FBXW11: variants seen among roughly 807,000 people sequenced by gnomAD.
FBXW11 encodes F-box and WD repeat domain containing 11, also known as F-box/WD repeat-containing protein 11.
Under a neutral mutation model 77.6 loss-of-function variants are expected in FBXW11, and 19 were observed. The observed-to-expected ratio is 0.24, with a 90% CI of 0.17 to 0.36. FBXW11 has a LOEUF of 0.36. FBXW11 is among the 10% of genes least tolerant of loss of function. The pLI, the probability that FBXW11 is intolerant of heterozygous loss-of-function variation, is 1.00. For missense variants in FBXW11, 334 were observed against 704.2 expected, an observed-to-expected ratio of 0.47 and a Z score of 5.95; for synonymous variants, 235 against 249.4, an observed-to-expected ratio of 0.94 and a Z score of 0.54.
At chr5:171,880,194 C>T (rs528490891) in intron 7 of FBXW11, among the ~76,000 whole-genome samples, 94 of 152,302 alleles carry the variant, frequency 6.2e-4, no homozygotes, top group African/African-American at 2.2e-3. Flanking sequence ...TTGTTGAAGA[C>T]ACAATCTTTT....
At chr5:171,999,889 A>G (rs1766307673) in intron 1 of FBXW11, among the ~76,000 whole-genome samples, 1 of 152,118 alleles carries the variant, frequency 6.6e-6, no homozygotes, top group Non-Finnish European at 1.5e-5. Flanking sequence ...CATTTTGTGA[A>G]GCTCTTCATT....
chr5:171,956,727 A>G (rs915739695), intron 2 of FBXW11, among the ~76,000 whole-genome samples: 5 of 152,230 alleles, frequency 3.3e-5, no homozygotes, highest in African/African-American at 1.2e-4. Flanking sequence ...GACAGTCTCA[A>G]CCAGATGCCA....
intron 4 of FBXW11, among the ~76,000 whole-genome samples, chr5:171,906,758 G>T (rs573662779): frequency 1.3e-5 from 2 of 152,268 alleles, no homozygotes; most frequent in South Asian, 4.1e-4. Context: ...TTCAAACCAA[G>T]GGCCTGTGTG....
Position 171,869,107 on chromosome 5 carries a change from C to G in FBXW11, c.1531-311G>C, listed in dbSNP as rs1025933150. On this transcript the variant is annotated intron_variant, in intron 12 of 13. Coordinates refer to ENST00000517395, the MANE Select transcript of FBXW11 (RefSeq NM_001378974.1). This position sits in a 1 kb window ranked among gnomAD's most constrained non-coding sequence, Gnocchi z 4.1. ...CCCATTCTTGATACACTCTAAAAAT[C>G]CACTGGAAAACCTAGAACCAGAAAG... Among the ~76,000 whole-genome samples, 2 of 152,142 alleles carry G rather than the reference C, an allele frequency of 1.3e-5. No individual in the cohort carries two copies. The highest frequency in any genetic ancestry group is 2.9e-5 in the Non-Finnish European group (2 of 68,018).
At chr5:171,896,809 AT>A (rs1659116963) in intron 6 of FBXW11, among the ~76,000 whole-genome samples, 6 of 152,184 alleles carry the variant, frequency 3.9e-5, no homozygotes, top group Middle Eastern at 3.2e-3. Flanking sequence ...CGAAGTGGGT[AT>A]TTGTAATTAT....
intron 1 of FBXW11, among the ~76,000 whole-genome samples, chr5:171,979,741 G>A (rs1042227900): frequency 6.6e-6 from 1 of 152,132 alleles, no homozygotes; most frequent in Non-Finnish European, 1.5e-5. Flanking sequence ...AATGGCACTT[G>A]AACATAAATT....
At chr5:171,972,139 G>A (rs1001884637) in intron 1 of FBXW11, among the ~76,000 whole-genome samples, 3 of 150,310 alleles carry the variant, frequency 2.0e-5, no homozygotes, top group African/African-American at 7.4e-5. Flanking sequence ...GGCTGAGGTG[G>A]GAAAATCACA....
At chr5:171,892,928 A>G (rs1485618544) in intron 6 of FBXW11, among the ~76,000 whole-genome samples, 3 of 152,166 alleles carry the variant, frequency 2.0e-5, no homozygotes, top group Non-Finnish European at 4.4e-5. Flanking sequence ...GCTGACATCT[A>G]ACAAACTGTA....
intron 1 of FBXW11, among the ~76,000 whole-genome samples, chr5:171,992,182 C>A (rs1445593338): frequency 6.6e-6 from 1 of 151,184 alleles, no homozygotes; most frequent in Non-Finnish European, 1.5e-5. Context: ...GTAATCCCAG[C>A]ACTTTTGGAG....
At chr5:171,969,066 G>A (rs933323638) in intron 1 of FBXW11, among the ~76,000 whole-genome samples, 1 of 151,884 alleles carries the variant, frequency 6.6e-6, no homozygotes, top group Non-Finnish European at 1.5e-5. Context: ...TCAGGAGTTT[G>A]AGACCAGCCT....
intron 13 of FBXW11, among the ~76,000 whole-genome samples, chr5:171,866,123 G>A (rs529186256): frequency 1.1e-4 from 16 of 152,126 alleles, no homozygotes; most frequent in South Asian, 8.3e-4. Context: ...AAATCAGCTG[G>A]GTGTGATGGC....
rs1205490431 is a variant in FBXW11 at position 171,988,061 on chromosome 5, T to C, written c.45+18397A>G. Among the ~76,000 whole-genome samples the C allele has an allele frequency of 4.6e-5, 7 of 152,208 alleles. No individual in the cohort carries two copies. The East Asian group carries it at 1.4e-3, about 29-fold the overall frequency. On this transcript the variant is annotated intron_variant, in intron 1 of 13. Transcript: ENST00000517395. ...GACAAGGTCCCTTAGATTTGGAAAA[T>C]TAAAAGGCTAACAGAGTCAGAAAAA...
rs1013193830 is a variant in FBXW11, at chr5:171,904,444, C to G, written c.437-4344G>C. On this transcript the variant is annotated intron_variant, in intron 4 of 13. Coordinates refer to ENST00000517395, the MANE Select transcript of FBXW11 (RefSeq NM_001378974.1). The surrounding 1 kb of genome is among the most constrained non-coding windows in gnomAD (Gnocchi z 4.0). ...GGTCTATAAGCCTGTGTGGTTGTAT[C>G]TGACTCAACTCAGGGTTACTGATTT... 1.3e-5 allele frequency among the ~76,000 whole-genome samples: 2 copies of G among 152,112 alleles called. No homozygotes were observed. The highest frequency in any genetic ancestry group is 4.8e-5 in the African/African-American group (2 of 41,420).
At chr5:171,877,144 T>C (rs927378956) in intron 8 of FBXW11, among the ~76,000 whole-genome samples, 2 of 152,214 alleles carry the variant, frequency 1.3e-5, no homozygotes, top group Non-Finnish European at 2.9e-5. Context: ...GGTGGCTAAT[T>C]CTGGCTCTGC....
intron 6 of FBXW11, among the ~76,000 whole-genome samples, chr5:171,897,092 G>A (rs1426436916): frequency 6.6e-6 from 1 of 152,180 alleles, no homozygotes; most frequent in African/African-American, 2.4e-5. Context: ...CTAGCTGTGT[G>A]ATCCTGACTA....
intron 6 of FBXW11, among the ~76,000 whole-genome samples, chr5:171,893,477 A>G (rs1007040270): frequency 6.9e-6 from 1 of 144,662 alleles, no homozygotes; most frequent in Non-Finnish European, 1.5e-5. Context: ...TACCTCTATC[A>G]AAGTAGACAA....
rs1758066192 is a variant in FBXW11, at chr5:171,876,153, G to T, written c.1221+132C>A. 3.8e-6 allele frequency: 4 copies of T among 1,044,360 alleles called. No individual in the cohort carries two copies. The Admixed American group carries it at 6.3e-5, about 16-fold the overall frequency. The allele number at this position is 1,044,360 out of a possible 1,614,324, so 64.7% of individuals were successfully genotyped here. A position where few individuals can be genotyped will look rare whatever the true frequency, so the allele number is the denominator to read the frequency against. On this transcript the variant is annotated intron_variant, in intron 9 of 13. Coordinates refer to ENST00000517395, the MANE Select transcript of FBXW11 (RefSeq NM_001378974.1). The surrounding 1 kb of genome is among the most constrained non-coding windows in gnomAD (Gnocchi z 4.2). Reference sequence around the variant, plus strand: ...CTCTACAGATATACAGAGTGGGATGGCCTCAAGGGTTCATAAGCACAGAGG... The same window carrying T: ...CTCTACAGATATACAGAGTGGGATGTCCTCAAGGGTTCATAAGCACAGAGG...
intron 1 of FBXW11, among the ~76,000 whole-genome samples, chr5:171,963,266 TG>T (rs1421609614): frequency 1.3e-5 from 2 of 151,992 alleles, no homozygotes; most frequent in Non-Finnish European, 2.9e-5. Context: ...AGAGGATGCC[TG>T]AACTAATTCA....
intron 1 of FBXW11, among the ~76,000 whole-genome samples, chr5:171,973,191 TAAG>T (rs1764629240): frequency 6.6e-6 from 1 of 152,092 alleles, no homozygotes; most frequent in Admixed American, 6.5e-5. Flanking sequence ...CTAAAATTTA[TAAG>T]AAATACAAAG....
Sources: allele counts gnomAD v4.1 joint callset (sites outside exome capture counted in the v4.1 genomes callset), GRCh38; gene constraint gnomAD v4.1.1; non-coding constraint Gnocchi (gnomAD v3.1); transcripts MANE v1.5; gene names NCBI Gene and HGNC (gene_info 2026-07-23, HGNC 2026-07-21).